KDM4B: variants seen among roughly 807,000 people sequenced by gnomAD.
KDM4B encodes lysine-specific demethylase 4B.
In KDM4B, 32 loss-of-function variants were observed where a neutral mutation model predicts 125.2. That is an observed-to-expected ratio of 0.26 (90% CI 0.19 to 0.34). The LOEUF (loss-of-function observed/expected upper bound fraction) is 0.34, where lower values mean the gene tolerates loss of function less well. Among genes scored for constraint, KDM4B ranks in the 10% least tolerant of loss-of-function variants. The probability of loss-of-function intolerance (pLI) is 1.00; values close to 1 mark genes in which losing one functional copy is unlikely to be tolerated. For missense variants in KDM4B, 1,190 were observed against 1,577.7 expected, an observed-to-expected ratio of 0.75 and a Z score of 4.16; for synonymous variants, 721 against 677.9, an observed-to-expected ratio of 1.06 and a Z score of -0.99.
intron 2 of KDM4B, among the ~76,000 whole-genome samples, chr19:5,028,683 C>T (rs916533146): frequency 5.9e-5 from 9 of 152,208 alleles, no homozygotes; most frequent in Admixed American, 1.3e-4. Flanking sequence ...CCCACGTCAC[C>T]GTCCTGCCAG....
In KDM4B at chr19:5,131,437, G is replaced by A. The variant is rs549759229; in HGVS notation, c.1677G>A (p.Pro559=). The stretch of plus-strand genomic sequence containing the variant: ...TTGAGCACTTTGCCCAGAAGGGTCC[G>A]ACCTGGAAGGAACCAGTTTCCCCCA... ...QAFEHFAQKG[P]TWKEPVSPME... Residue 559 remains proline, a synonymous_variant, in exon 12 of 23, where the codon CCG becomes CCA. Transcript: ENST00000159111. The A allele has an allele frequency of 2.2e-5, 35 of 1,609,958 alleles. No individual in the cohort carries two copies. Among genetic ancestry groups the A allele is most frequent in the Middle Eastern group, 3.3e-4 (2 of 6,082 alleles).
intron 3 of KDM4B, among the ~76,000 whole-genome samples, chr19:5,033,731 A>G (rs2036530337): frequency 2.6e-5 from 4 of 152,148 alleles, no homozygotes; most frequent in Admixed American, 2.6e-4. Flanking sequence ...CCCTGGAAGC[A>G]GCACTGTTAT....
At chr19:5,075,692 G>A (rs2038083679) in intron 7 of KDM4B, 1 of 152,268 alleles carries the variant, frequency 6.6e-6, no homozygotes, top group Non-Finnish European at 1.5e-5. Context: ...CAGCTGCAGA[G>A]CGCACTCCTA....
At chr19:5,119,313 GCA>G (rs1315347092) in intron 10 of KDM4B, 176 of 889,148 alleles carry the variant, frequency 2.0e-4, no homozygotes, top group Non-Finnish European at 2.6e-4. Flanking sequence ...CTGTCCCGTG[GCA>G]CACGCGGCTC....
At position 5,122,855 on chromosome 19, in the gene KDM4B, C is replaced by T. The variant is rs751402857; in HGVS notation, c.1315+3003C>T. On this transcript the variant is annotated intron_variant, in intron 11 of 22. Transcript: ENST00000159111. ...GACCACCAGAGGTGGAAACACCCAC[C>T]GTGCCCAGCCCTGGAAGCCGGTGCA... 1.8e-4 allele frequency among the ~76,000 whole-genome samples: 27 copies of T among 152,250 alleles called. 1 individual carries two copies. Among genetic ancestry groups the T allele is most frequent in the Admixed American group, 8.5e-4 (13 of 15,290 alleles).
Position 5,131,098 on chromosome 19 carries a change from G to A in KDM4B, c.1338G>A (p.Arg446=), listed in dbSNP as rs1292295743. Residue 446 remains arginine (R), a synonymous_variant, in exon 12 of 23, where the codon CGG becomes CGA. Coordinates refer to ENST00000159111, the MANE Select transcript of KDM4B (RefSeq NM_015015.3). The stretch of plus-strand genomic sequence containing the variant: ...CAGAGGACGGGAGGGGCAAGCTGCG[G>A]CCAACCAAGGCCAAGAGCGAGCGGA... ...GAEEDGRGKL[R]PTKAKSERKK... is the part of the protein sequence containing the mutation. The A allele has an allele frequency of 1.3e-6, 2 of 1,513,374 alleles. No individual in the cohort carries two copies. The highest frequency in any genetic ancestry group is 1.8e-6 in the Non-Finnish European group (2 of 1,130,738). 93.7% of individuals were successfully genotyped at this position (1,513,374 alleles called of 1,614,324 possible).
intron 7 of KDM4B, chr19:5,074,582 G>A (rs2038043351): frequency 6.6e-6 from 1 of 152,244 alleles, no homozygotes; most frequent in Non-Finnish European, 1.5e-5. Flanking sequence ...GAGGAACTGC[G>A]GAGAGGCCGC....
intron 1 of KDM4B, among the ~76,000 whole-genome samples, chr19:4,978,301 G>A (rs889962050): frequency 3.5e-4 from 53 of 151,946 alleles, no homozygotes; most frequent in Non-Finnish European, 5.9e-4. Flanking sequence ...GGGGTCAGGA[G>A]TTCAAGACCA....
At chr19:5,060,433 CAAAAAAAAAAAAAAA>C (rs901472663) in intron 6 of KDM4B, among the ~76,000 whole-genome samples, 2 of 32,948 alleles carry the variant, frequency 6.1e-5, no homozygotes, top group Admixed American at 4.9e-4. Context: ...ACTCTGTCTC[CAAAAAAAAAAAAAAA>C]AAAAAAAAAA....
chr19:4,972,966 G>A (rs191372107), intron 1 of KDM4B, among the ~76,000 whole-genome samples: 8 of 152,264 alleles, frequency 5.3e-5, no homozygotes, highest in Non-Finnish European at 8.8e-5. Flanking sequence ...TTCCTGGGCT[G>A]CTCTTTGGCC....
intron 10 of KDM4B, among the ~76,000 whole-genome samples, chr19:5,118,559 T>TCC (rs1209382381): frequency 6.6e-6 from 1 of 152,056 alleles, no homozygotes; most frequent in Non-Finnish European, 1.5e-5. Context: ...TTCTCTGCAC[T>TCC]CCCGGCTTCT....
At chr19:5,028,938 T>G (rs2036366037) in intron 2 of KDM4B, among the ~76,000 whole-genome samples, 1 of 152,212 alleles carries the variant, frequency 6.6e-6, no homozygotes, top group East Asian at 1.9e-4. Context: ...GTTTCGCTCC[T>G]GTAGCCCAGG....
At chr19:5,112,832 A>G (rs943110866) in intron 10 of KDM4B, 5 of 152,248 alleles carry the variant, frequency 3.3e-5, no homozygotes, top group Admixed American at 2.0e-4. Flanking sequence ...TGTGCTCCTC[A>G]TGAAGAGCTG....
intron 1 of KDM4B, among the ~76,000 whole-genome samples, chr19:4,970,533 A>G (rs778569762): frequency 2.0e-5 from 3 of 152,162 alleles, no homozygotes; most frequent in Non-Finnish European, 4.4e-5. Flanking sequence ...CTCTGCCTCA[A>G]TGGCCATTTA....
chr19:5,129,257 G>A (rs1032527241), intron 11 of KDM4B, among the ~76,000 whole-genome samples: 2 of 152,180 alleles, frequency 1.3e-5, no homozygotes, highest in Non-Finnish European at 2.9e-5. Context: ...GTGGGAGTGT[G>A]TGGGGCAGTG....
rs541174301 is a variant in KDM4B at position 5,020,231 on chromosome 19, GTGT to G, written c.-26+3898_-26+3900del. ...TTGGTGTGCAGGTGTTAGTGTGCAG[GTGT>G]TGTTGATGTTGGTGTGGGTGTTGGT... On this transcript the variant is annotated intron_variant, in intron 2 of 22. Coordinates refer to ENST00000159111, the MANE Select transcript of KDM4B (RefSeq NM_015015.3). Among the ~76,000 whole-genome samples the G allele has an allele frequency of 3.4e-3, 515 of 149,566 alleles. 1 individual carries two copies. The highest frequency in any genetic ancestry group is 3.9e-3 in the Non-Finnish European group (261 of 67,482).
intron 1 of KDM4B, among the ~76,000 whole-genome samples, chr19:5,011,356 C>T (rs1471642681): frequency 1.3e-5 from 2 of 152,234 alleles, no homozygotes; most frequent in Non-Finnish European, 2.9e-5. Flanking sequence ...ATATGCACAC[C>T]TGTATCCATC....
chr19:5,016,092 T>C (rs1169415719), intron 1 of KDM4B, among the ~76,000 whole-genome samples, 165 bp from the exon 2 acceptor site: 1 of 152,232 alleles, frequency 6.6e-6, no homozygotes, highest in Non-Finnish European at 1.5e-5. Context: ...GGTAAAGTGC[T>C]TATAGTTACG....
At position 5,142,910 on chromosome 19, in the gene KDM4B, C is replaced by T. The variant is rs543094918; in HGVS notation, c.2551-1057C>T. Among the ~76,000 whole-genome samples, 43 of 152,034 alleles carry T rather than the reference C, an allele frequency of 2.8e-4. No homozygotes were observed. Among genetic ancestry groups the T allele is most frequent in the African/African-American group, 8.4e-4 (35 of 41,452 alleles). ...TTAGCTGGGCCTGGCGTGGGTGTGGCGGCCGCCAGGGCCCCGGTGCTGGCT... is the reference window on the plus strand; with the variant it reads ...TTAGCTGGGCCTGGCGTGGGTGTGGTGGCCGCCAGGGCCCCGGTGCTGGCT... On this transcript the variant is annotated intron_variant, in intron 18 of 22. Coordinates refer to ENST00000159111, the MANE Select transcript of KDM4B (RefSeq NM_015015.3). This position sits in a 1 kb window ranked among gnomAD's most constrained non-coding sequence, Gnocchi z 5.4.
Sources: allele counts gnomAD v4.1 joint callset (sites outside exome capture counted in the v4.1 genomes callset), GRCh38; gene constraint gnomAD v4.1.1; non-coding constraint Gnocchi (gnomAD v3.1); transcripts MANE v1.5; gene names NCBI Gene and HGNC (gene_info 2026-07-23, HGNC 2026-07-21).